Variants in THSD4 observed in about 807,000 individuals in gnomAD.
THSD4 encodes the protein thrombospondin type-1 domain-containing protein 4.
In THSD4, 69 loss-of-function variants were observed where a neutral mutation model predicts 119.0. The observed-to-expected ratio is 0.58, with a 90% confidence interval of 0.48 to 0.71. THSD4 has a LOEUF of 0.71. THSD4 is among the 30% of genes least tolerant of loss of function. The pLI, the probability that THSD4 is intolerant of heterozygous loss-of-function variation, is 0.00. For synonymous variants in THSD4, 524 were observed against 540.4 expected (o/e 0.97, Z 0.42); for missense variants, 1,393 against 1,391.1 (o/e 1.00, Z -0.02).
chr15:71,524,218 C>A (rs1041241279), intron 7 of THSD4, among the ~76,000 whole-genome samples: 7 of 152,238 alleles, frequency 4.6e-5, no homozygotes, highest in Non-Finnish European at 1.0e-4. Context: ...GTTTCCAAGA[C>A]CCCTGCCAGC....
chr15:71,276,558 T>C (rs2044592531), intron 6 of THSD4, among the ~76,000 whole-genome samples: 1 of 152,212 alleles, frequency 6.6e-6, no homozygotes, highest in Admixed American at 6.5e-5. Flanking sequence ...TGGCTACATC[T>C]GTGCTGCCTC....
chr15:71,215,521 A>G, intron 4 of THSD4, 122 bp downstream of exon 4: 3 of 1,064,786 alleles, frequency 2.8e-6, no homozygotes, highest in East Asian at 3.2e-5. Flanking sequence ...TTGCTCTGCC[A>G]GGTGGCAAGG....
intron 6 of THSD4, among the ~76,000 whole-genome samples, chr15:71,377,881 C>CACACACACACACACACACACACAA (rs1566961379): frequency 3.1e-4 from 25 of 79,722 alleles, no homozygotes; most frequent in Admixed American, 6.3e-4. Context: ...CACACACACA[C>CACACACACACACACACACACACAA]ACACACACAC....
chr15:71,743,924 G>A (rs2053283148), intron 11 of THSD4, among the ~76,000 whole-genome samples: 1 of 152,220 alleles, frequency 6.6e-6, no homozygotes, highest in Non-Finnish European at 1.5e-5. Context: ...TGGCCAATTA[G>A]CAACAGAGAT....
chr15:71,310,445 C>G (rs1476935428), intron 6 of THSD4, among the ~76,000 whole-genome samples: 1 of 152,118 alleles, frequency 6.6e-6, no homozygotes, highest in Admixed American at 6.5e-5. Flanking sequence ...GGAAAAGTGT[C>G]CATATTTTTA....
intron 6 of THSD4, among the ~76,000 whole-genome samples, chr15:71,409,510 A>C (rs1336789831): frequency 6.6e-6 from 1 of 152,236 alleles, no homozygotes; most frequent in Non-Finnish European, 1.5e-5. Flanking sequence ...TTCGTTTGAA[A>C]TAAATCCCAG....
chr15:71,561,351 GTGTT>G (rs1448797721), intron 7 of THSD4, among the ~76,000 whole-genome samples: 1 of 152,140 alleles, frequency 6.6e-6, no homozygotes. Context: ...TTTCCGTAAA[GTGTT>G]TGGTATGAGA....
At chr15:71,101,636 G>A (rs1313520625) in intron 1 of THSD4, among the ~76,000 whole-genome samples, 2 of 152,112 alleles carry the variant, frequency 1.3e-5, no homozygotes, top group Non-Finnish European at 2.9e-5. Context: ...CTTTATCTGA[G>A]AATGTCCTTA....
At chr15:71,683,214 A>G (rs1172666131) in intron 8 of THSD4, among the ~76,000 whole-genome samples, 1 of 151,444 alleles carries the variant, frequency 6.6e-6, no homozygotes, top group East Asian at 1.9e-4. Context: ...GAGCCATCGC[A>G]CCCAGCCTTG....
intron 6 of THSD4, among the ~76,000 whole-genome samples, chr15:71,405,698 T>C (rs1007499269): frequency 6.6e-6 from 1 of 152,148 alleles, no homozygotes; most frequent in African/African-American, 2.4e-5. Flanking sequence ...AAGAGGGCAT[T>C]TGGTAGTTTG....
chr15:71,686,633 A>G (rs2051915915), intron 8 of THSD4, among the ~76,000 whole-genome samples: 1 of 152,170 alleles, frequency 6.6e-6, no homozygotes, highest in African/African-American at 2.4e-5. Flanking sequence ...AAGGAAGAGG[A>G]GGAGTCCCTA....
intron 7 of THSD4, among the ~76,000 whole-genome samples, chr15:71,434,868 A>T (rs2046990989): frequency 1.3e-5 from 2 of 152,154 alleles, no homozygotes; most frequent in Non-Finnish European, 1.5e-5. Context: ...TTAATTTTTT[A>T]AAAAACTAAA....
intron 7 of THSD4, among the ~76,000 whole-genome samples, chr15:71,651,105 A>G (rs753388734): frequency 6.6e-6 from 1 of 152,202 alleles, no homozygotes; most frequent in Non-Finnish European, 1.5e-5. Context: ...GGCTCCATCA[A>G]AGGCCTGCCC....
chr15:71,756,115 A>G (rs1158606839), intron 14 of THSD4, among the ~76,000 whole-genome samples: 1 of 152,234 alleles, frequency 6.6e-6, no homozygotes, highest in East Asian at 1.9e-4. Context: ...TCTGTTAGGA[A>G]TGGGATAACT....
chr15:71,764,998 C>CT, intron 15 of THSD4, 22 bp from the exon 16 acceptor site: 2 of 1,604,782 alleles, frequency 1.2e-6, no homozygotes, highest in South Asian at 1.1e-5. Context: ...TGACACTCAT[C>CT]TTTTTCTGCT....
intron 6 of THSD4, among the ~76,000 whole-genome samples, chr15:71,329,087 T>A (rs1013031983): frequency 2.0e-5 from 3 of 152,226 alleles, no homozygotes; most frequent in Non-Finnish European, 4.4e-5. Context: ...CGTTGTGATG[T>A]GTCGCCATGA....
At chr15:71,692,953 A>T (rs2052085312) in intron 8 of THSD4, among the ~76,000 whole-genome samples, 1 of 135,916 alleles carries the variant, frequency 7.4e-6, no homozygotes, top group South Asian at 2.6e-4. Flanking sequence ...AAGAATAATA[A>T]CTTAAGGAAG....
chr15:71,372,161 A>G (rs191435400), intron 6 of THSD4, among the ~76,000 whole-genome samples: 1 of 152,124 alleles, frequency 6.6e-6, no homozygotes, highest in African/African-American at 2.4e-5. Flanking sequence ...TGCACTGGTT[A>G]TTCTAGTTAG....
intron 7 of THSD4, among the ~76,000 whole-genome samples, chr15:71,589,263 A>G (rs139013877): frequency 0.012 from 1,104 of 88,978 alleles, 117 homozygotes; most frequent in African/African-American, 0.032. Context: ...AATAAGTCCT[A>G]TTTCATAAAA....
Sources: gnomAD v4.1 joint callset for allele counts (sites outside exome capture counted in the v4.1 genomes callset) on GRCh38, gnomAD v4.1.1 for gene constraint, MANE v1.5 for transcripts, NCBI Gene and HGNC (gene_info 2026-07-23, HGNC 2026-07-21) for gene names.